Variants in ESR1 observed in about 807,000 individuals in gnomAD.
ESR1 encodes the protein estrogen receptor.
A neutral mutation model predicts 52.7 loss-of-function variants in ESR1; 12 were observed. The observed-to-expected ratio is 0.23, with a 90% confidence interval of 0.15 to 0.37. The LOEUF is 0.37. Ranked by LOEUF, ESR1 falls within the 10% of genes least tolerant of loss-of-function variation. The pLI is 1.00. For synonymous variants in ESR1, 305 were observed against 316.8 expected (o/e 0.96, Z 0.39); for missense variants, 584 against 779.7 (o/e 0.75, Z 2.99).
At chr6:151,997,431 AT>A (rs1294030130) in intron 4 of ESR1, among the ~76,000 whole-genome samples, 1 of 152,124 alleles carries the variant, frequency 6.6e-6, no homozygotes, top group Non-Finnish European at 1.5e-5. Flanking sequence ...TTACACTCTG[AT>A]AAAGGTTTAA....
At chr6:152,062,622 T>G (rs2047638713) in intron 6 of ESR1, among the ~76,000 whole-genome samples, 1 of 152,190 alleles carries the variant, frequency 6.6e-6, no homozygotes, top group Admixed American at 6.5e-5. Context: ...CTTTATTGGA[T>G]GAGAGTTCTG....
chr6:151,838,291 A>T lies in ESR1; in HGVS notation c.453-4306A>T, dbSNP rs117226093. ...CTACTAAAGAGCTGTGAAGCTAAAA[A>T]TGCCAGGTCTATGACAGGTGCAGTG... On this transcript the variant is annotated intron_variant, in intron 1 of 7. Coordinates refer to ENST00000206249, the MANE Select transcript of ESR1 (RefSeq NM_000125.4). Among the ~76,000 whole-genome samples, 43 of 152,384 alleles carry T rather than the reference A, an allele frequency of 2.8e-4. No homozygotes were observed. In the East Asian group the frequency reaches 7.5e-3, roughly 27 times the overall value.
chr6:151,774,852 G>A (rs2504067), intron 2 of ESR1, among the ~76,000 whole-genome samples: 68,305 of 151,954 alleles, frequency 0.45, 15,772 homozygotes, highest in Non-Finnish European at 0.48. Flanking sequence ...TTAAATAACT[G>A]TAACACCATT....
chr6:152,086,241 G>T (rs559287746), intron 6 of ESR1, among the ~76,000 whole-genome samples: 3 of 152,012 alleles, frequency 2.0e-5, no homozygotes, highest in Admixed American at 6.6e-5. Flanking sequence ...AACCCTGATT[G>T]TTTTAAAATA....
chr6:151,887,976 T>C (rs1794131421), intron 3 of ESR1, among the ~76,000 whole-genome samples: 1 of 152,316 alleles, frequency 6.6e-6, no homozygotes, highest in Non-Finnish European at 1.5e-5. Context: ...TTTAGCAGCT[T>C]TGTCAAAAAT....
At chr6:152,021,668 G>T (rs1209045733) in intron 5 of ESR1, among the ~76,000 whole-genome samples, 1 of 152,116 alleles carries the variant, frequency 6.6e-6, no homozygotes, top group Non-Finnish European at 1.5e-5. Context: ...ACTGCTTACT[G>T]CATGATATGG....
chr6:152,011,623 T>G, intron 4 of ESR1, 33 bp from the exon 5 acceptor site: 1 of 1,612,842 alleles, frequency 6.2e-7, no homozygotes, highest in Non-Finnish European at 8.5e-7. Context: ...CTTTTTCATT[T>G]GAGTCAGCAG....
At chr6:151,938,729 T>G (rs1367692001) in intron 3 of ESR1, among the ~76,000 whole-genome samples, 1 of 152,170 alleles carries the variant, frequency 6.6e-6, no homozygotes, top group Non-Finnish European at 1.5e-5. Context: ...TGGATTAGAA[T>G]CATTCAAATC....
intron 1 of ESR1, among the ~76,000 whole-genome samples, chr6:151,824,582 C>G (rs183008983): frequency 1.9e-3 from 292 of 152,262 alleles, no homozygotes; most frequent in African/African-American, 6.9e-3. Flanking sequence ...CCTGGGTTTT[C>G]TTCTAGGGTT....
chr6:151,990,925 A>G (rs1195222170), intron 4 of ESR1, among the ~76,000 whole-genome samples: 2 of 152,214 alleles, frequency 1.3e-5, no homozygotes, highest in South Asian at 2.1e-4. Context: ...ATAAACATGT[A>G]TAAATTTGTT....
intron 3 of ESR1, among the ~76,000 whole-genome samples, chr6:151,941,002 G>C: frequency 6.6e-6 from 1 of 152,156 alleles, no homozygotes; most frequent in South Asian, 2.1e-4. Flanking sequence ...CTTTTAAAGT[G>C]GGTGGTAATA....
intron 1 of ESR1, among the ~76,000 whole-genome samples, chr6:151,827,084 G>A (rs1781624952): frequency 1.3e-5 from 2 of 152,098 alleles, no homozygotes; most frequent in African/African-American, 4.8e-5. Context: ...AGCACTTTGG[G>A]TGGCTGAGGC....
chr6:151,661,705 G>A (rs1012516108), intron 1 of ESR1, among the ~76,000 whole-genome samples: 2 of 152,156 alleles, frequency 1.3e-5, no homozygotes, highest in Non-Finnish European at 2.9e-5. Flanking sequence ...TCCAGGGAGC[G>A]ACCTGATGGG....
chr6:151,816,994 T>C (rs1048385551), intron 1 of ESR1, among the ~76,000 whole-genome samples: 7 of 152,196 alleles, frequency 4.6e-5, no homozygotes, highest in Non-Finnish European at 1.0e-4. Context: ...AGGGAATTAA[T>C]TGAAGCTGAG....
intron 5 of ESR1, among the ~76,000 whole-genome samples, chr6:152,029,801 A>T (rs2044511095): frequency 6.6e-6 from 1 of 152,182 alleles, no homozygotes; most frequent in Non-Finnish European, 1.5e-5. Context: ...CACCACAAAG[A>T]TACTCCTTGA....
At chr6:151,891,024 CT>C (rs1469282524) in intron 3 of ESR1, among the ~76,000 whole-genome samples, 1 of 152,062 alleles carries the variant, frequency 6.6e-6, no homozygotes, top group Non-Finnish European at 1.5e-5. Flanking sequence ...TGAATTCTTA[CT>C]TTTTGCCTTT....
intron 3 of ESR1, among the ~76,000 whole-genome samples, chr6:151,900,804 G>A (rs566833747): frequency 6.6e-6 from 1 of 152,322 alleles, no homozygotes; most frequent in East Asian, 1.9e-4. Flanking sequence ...CTGTTTTCAG[G>A]TCTCACAGCG....
At chr6:152,079,122 A>G (rs965532252) in intron 6 of ESR1, among the ~76,000 whole-genome samples, 2 of 152,200 alleles carry the variant, frequency 1.3e-5, no homozygotes, top group Admixed American at 6.5e-5. Context: ...ACCTCTGAAG[A>G]GGGCAGTGGT....
intron 1 of ESR1, among the ~76,000 whole-genome samples, chr6:151,684,744 C>T (rs1315068019): frequency 9.9e-5 from 15 of 152,224 alleles, no homozygotes; most frequent in Admixed American, 9.8e-4. Context: ...TTCTTCCTTC[C>T]TGCGGGGCCA....
Sources: allele counts gnomAD v4.1 joint callset (sites outside exome capture counted in the v4.1 genomes callset), GRCh38; gene constraint gnomAD v4.1.1; transcripts MANE v1.5; gene names NCBI Gene and HGNC (gene_info 2026-07-23, HGNC 2026-07-21).